Variants in PUM1 observed in about 807,000 individuals in gnomAD.
PUM1 encodes the protein pumilio homolog 1.
PUM1 carries 13 observed loss-of-function variants against 131.8 expected under a neutral mutation model. The observed-to-expected ratio is 0.10, with a 90% CI of 0.06 to 0.16. The LOEUF is 0.16. Among genes scored for constraint, PUM1 ranks in the 10% least tolerant of loss-of-function variants. The pLI is 1.00. For missense variants in PUM1, 961 were observed against 1,512.4 expected (o/e 0.64, Z 6.05); for synonymous variants, 509 against 556.5 (o/e 0.91, Z 1.20).
chr1:31,035,551 A>C (rs1643580894), intron 2 of PUM1, among the ~76,000 whole-genome samples: 1 of 152,106 alleles, frequency 6.6e-6, no homozygotes. Flanking sequence ...CAGGAGGTCG[A>C]GACCAGCCTG....
intron 3 of PUM1, among the ~76,000 whole-genome samples, chr1:31,016,467 T>A (rs1328194950): frequency 6.6e-6 from 1 of 152,148 alleles, no homozygotes; most frequent in Non-Finnish European, 1.5e-5. Context: ...CAAATTCTCG[T>A]TTTGCATTTA....
intron 2 of PUM1, among the ~76,000 whole-genome samples, chr1:31,048,222 G>T (rs1315928993): frequency 6.6e-6 from 1 of 151,008 alleles, no homozygotes; most frequent in Non-Finnish European, 1.5e-5. Context: ...CTGGGCAACA[G>T]AACGAGACTG....
At chr1:30,987,484 C>T (rs538968307) in intron 7 of PUM1, among the ~76,000 whole-genome samples, 15 of 152,202 alleles carry the variant, frequency 9.9e-5, no homozygotes, top group African/African-American at 3.4e-4. Context: ...CGTGAGCCAC[C>T]GCGCCTAGCC....
intron 3 of PUM1, among the ~76,000 whole-genome samples, chr1:31,021,146 C>T (rs889490646): frequency 6.6e-6 from 1 of 152,188 alleles, no homozygotes; most frequent in African/African-American, 2.4e-5. Context: ...CTTTATATAT[C>T]GGATTCAATT....
intron 3 of PUM1, among the ~76,000 whole-genome samples, chr1:31,009,017 C>CAAAAAAA (rs57893493): frequency 8.2e-6 from 1 of 121,814 alleles, no homozygotes; most frequent in African/African-American, 2.9e-5. Context: ...ACTAAAAATA[C>CAAAAAAA]AAAAAAAAAA....
At chr1:30,998,942 TAC>T (rs1416744869) in intron 5 of PUM1, among the ~76,000 whole-genome samples, 1 of 152,240 alleles carries the variant, frequency 6.6e-6, no homozygotes, top group Non-Finnish European at 1.5e-5. Flanking sequence ...ATGAAAATTT[TAC>T]ACTTCTGAAA....
At chr1:30,979,513 C>T (rs1206147218) in intron 9 of PUM1, among the ~76,000 whole-genome samples, 1 of 152,002 alleles carries the variant, frequency 6.6e-6, no homozygotes, top group African/African-American at 2.4e-5. Context: ...AACAAAACAC[C>T]ACCACCCCCA....
chr1:30,987,369 G>C (rs567293349), intron 7 of PUM1, among the ~76,000 whole-genome samples: 1 of 151,858 alleles, frequency 6.6e-6, no homozygotes, highest in Non-Finnish European at 1.5e-5. Context: ...GCTAATTTTT[G>C]TATTTTTAGT....
intron 2 of PUM1, among the ~76,000 whole-genome samples, chr1:31,035,979 C>T (rs1328784075): frequency 1.3e-4 from 20 of 152,038 alleles, no homozygotes; most frequent in Non-Finnish European, 2.8e-4. Flanking sequence ...GCGAAACAGA[C>T]GTTATTCCAT....
intron 7 of PUM1, among the ~76,000 whole-genome samples, chr1:30,984,566 G>A (rs1196561096): frequency 6.6e-6 from 1 of 152,206 alleles, no homozygotes; most frequent in African/African-American, 2.4e-5. Context: ...AGTTGTTCAA[G>A]AGTCTGAATG....
chr1:30,967,154 G>C lies in PUM1; in HGVS notation c.1789+13C>G, dbSNP rs1481845579. ...TAGATCTCTGGCAGGAGTCCACTCA[G>C]ATGTGCGCTCACCTGCTTGTGCAGC... On this transcript the variant is annotated intron_variant, in intron 12 of 21. Transcript: ENST00000426105. The C allele has an allele frequency of 6.2e-7, 1 of 1,613,030 alleles. No individual in the cohort carries two copies. The highest frequency in any genetic ancestry group is 1.3e-5 in the African/African-American group (1 of 74,890).
chr1:30,952,676 G>GGGGGGGA (rs1639984994), intron 15 of PUM1, among the ~76,000 whole-genome samples: 1 of 25,868 alleles, frequency 3.9e-5, no homozygotes, highest in African/African-American at 4.1e-4. Context: ...GATGAAAGCG[G>GGGGGGGA]GGGGGGCGGG....
chr1:31,060,679 A>G (rs1644347926), intron 1 of PUM1, among the ~76,000 whole-genome samples: 1 of 152,038 alleles, frequency 6.6e-6, no homozygotes, highest in South Asian at 2.1e-4. Flanking sequence ...TGAGGTCAGG[A>G]GTTCGAGACC....
intron 5 of PUM1, 84 bp from the exon 6 acceptor site, chr1:30,995,304 A>AT: frequency 7.1e-7 from 1 of 1,407,854 alleles, no homozygotes; most frequent in Non-Finnish European, 9.9e-7. Flanking sequence ...ACTACACTAG[A>AT]TGCTACTCAG....
intron 1 of PUM1, among the ~76,000 whole-genome samples, chr1:31,061,255 T>A (rs1644360764): frequency 6.6e-6 from 1 of 152,136 alleles, no homozygotes. Context: ...AGCCAGGAGC[T>A]GAAGACCAGC....
intron 2 of PUM1, among the ~76,000 whole-genome samples, chr1:31,043,928 C>A (rs546685617): frequency 6.6e-5 from 10 of 152,104 alleles, no homozygotes; most frequent in Admixed American, 6.6e-4. Flanking sequence ...TGTACCTATA[C>A]ATTACAAATT....
At chr1:31,029,599 GT>G (rs772469501) in intron 2 of PUM1, among the ~76,000 whole-genome samples, 5 of 152,200 alleles carry the variant, frequency 3.3e-5, no homozygotes, top group Non-Finnish European at 7.3e-5. Flanking sequence ...AATTCAACTA[GT>G]TTACTGGTCT....
chr1:31,038,048 C>T (rs1375399829), intron 2 of PUM1, among the ~76,000 whole-genome samples: 1 of 149,064 alleles, frequency 6.7e-6, no homozygotes, highest in African/African-American at 2.5e-5. Context: ...CACTGCACTC[C>T]AGCCTCGGAA....
At chr1:31,009,074 T>G (rs917035895) in intron 3 of PUM1, among the ~76,000 whole-genome samples, 6 of 150,780 alleles carry the variant, frequency 4.0e-5, no homozygotes, top group African/African-American at 1.5e-4. Context: ...TCCCAGCTCC[T>G]CAGGAGGCTG....
Sources: allele counts gnomAD v4.1 joint callset (sites outside exome capture counted in the v4.1 genomes callset), GRCh38; gene constraint gnomAD v4.1.1; transcripts MANE v1.5; gene names NCBI Gene and HGNC (gene_info 2026-07-23, HGNC 2026-07-21).